TMEM135: variants seen among roughly 807,000 people sequenced by gnomAD.
The protein encoded by TMEM135 is peroxisomal membrane protein 52.
A neutral mutation model predicts 60.3 loss-of-function variants in TMEM135; 30 were observed. The observed-to-expected ratio is 0.50, with a 90% CI of 0.37 to 0.68. The LOEUF is 0.68. Among genes scored for constraint, TMEM135 ranks in the 30% least tolerant of loss-of-function variants. The pLI, the probability that TMEM135 is intolerant of heterozygous loss-of-function variation, is 0.00. For missense variants in TMEM135, 468 were observed against 548.8 expected (o/e 0.85, Z 1.47); for synonymous variants, 190 against 186.7 (o/e 1.02, Z -0.14).
chr11:87,118,942 G>A (rs1857967607), intron 4 of TMEM135, among the ~76,000 whole-genome samples: 1 of 152,188 alleles, frequency 6.6e-6, no homozygotes, highest in South Asian at 2.1e-4. Context: ...GAATGTTGTG[G>A]TTGGTTTAAT....
At position 87,325,503 on chromosome 11, in the gene TMEM135, C is replaced by CCTCT. The variant is rs142700961; in HGVS notation, c.*4183_*4186dup. 9.5e-5 allele frequency: 42 copies of CCTCT among 444,396 alleles called. No individual in the cohort carries two copies. Among genetic ancestry groups the CCTCT allele is most frequent in the South Asian group, 4.6e-4 (29 of 62,894 alleles). 27.5% of individuals were successfully genotyped at this position (444,396 alleles called of 1,614,324 possible). On this transcript the variant is annotated 3_prime_UTR_variant, in exon 15 of 15. Transcript: ENST00000305494. ...GTTTTATGTGGGCTCTCTCTCTCTCCCTCTCTCTCTCTCTCTGTCTGTCTC... is the reference window on the plus strand; with the variant it reads ...GTTTTATGTGGGCTCTCTCTCTCTCCCTCTCTCTCTCTCTCTCTCTGTCTGTCTC...
At position 87,263,023 on chromosome 11, in the gene TMEM135, C is replaced by T. The variant is rs1016500748; in HGVS notation, c.509+26339C>T. 3.3e-5 allele frequency among the ~76,000 whole-genome samples: 5 copies of T among 151,938 alleles called. No homozygotes were observed. The South Asian group carries it at 1.0e-3, about 32-fold the overall frequency. On this transcript the variant is annotated intron_variant, in intron 6 of 14. Transcript: ENST00000305494. The stretch of plus-strand genomic sequence containing the variant: ...TCATGGAAAAAAAAAACCTTTCTTC[C>T]TTTTTGTTTTATGTAATATGTAAGC...
At chr11:87,173,757 AAAG>A (rs1365860385) in intron 5 of TMEM135, among the ~76,000 whole-genome samples, 1 of 152,190 alleles carries the variant, frequency 6.6e-6, no homozygotes, top group African/African-American at 2.4e-5. Context: ...GTTGATAATA[AAAG>A]ACAGAGTTTT....
chr11:87,077,276 G>A (rs1856894142), intron 3 of TMEM135, among the ~76,000 whole-genome samples: 1 of 152,142 alleles, frequency 6.6e-6, no homozygotes, highest in African/African-American at 2.4e-5. Flanking sequence ...TTTAAACTAA[G>A]CATGATGCCT....
At chr11:87,246,258 G>A (rs963226658) in intron 6 of TMEM135, among the ~76,000 whole-genome samples, 5 of 149,680 alleles carry the variant, frequency 3.3e-5, no homozygotes, top group East Asian at 2.0e-4. Flanking sequence ...TGGGTAACCC[G>A]ACCTTTCTCT....
intron 1 of TMEM135, among the ~76,000 whole-genome samples, chr11:87,056,792 C>T (rs1949898661): frequency 6.6e-6 from 1 of 152,158 alleles, no homozygotes; most frequent in Non-Finnish European, 1.5e-5. Flanking sequence ...ATTCATTACC[C>T]AATATTCACC....
chr11:87,100,962 A>C (rs1857444410), intron 4 of TMEM135, among the ~76,000 whole-genome samples: 2 of 152,362 alleles, frequency 1.3e-5, no homozygotes, highest in East Asian at 3.9e-4. Context: ...ATTAACTAGC[A>C]CTTAAAAACA....
At chr11:87,153,001 C>G (rs1213781882) in intron 4 of TMEM135, among the ~76,000 whole-genome samples, 17 of 152,124 alleles carry the variant, frequency 1.1e-4, no homozygotes, top group Admixed American at 1.1e-3. Flanking sequence ...CTTACCTCTT[C>G]TCCAGTTCTC....
chr11:87,160,307 T>C (rs1938835933), intron 5 of TMEM135, among the ~76,000 whole-genome samples: 1 of 152,214 alleles, frequency 6.6e-6, no homozygotes, highest in Non-Finnish European at 1.5e-5. Context: ...AGATAGTCTT[T>C]GAAGGTGTTT....
intron 10 of TMEM135, among the ~76,000 whole-genome samples, chr11:87,312,608 A>G (rs971693737): frequency 4.6e-5 from 7 of 151,936 alleles, no homozygotes; most frequent in Admixed American, 2.0e-4. Flanking sequence ...TAGACAATAT[A>G]TAAATGAACA....
intron 6 of TMEM135, among the ~76,000 whole-genome samples, chr11:87,258,084 C>G (rs546389759): frequency 6.6e-6 from 1 of 151,460 alleles, no homozygotes; most frequent in African/African-American, 2.4e-5. Flanking sequence ...CAGTTAATAA[C>G]TTGATTATAT....
At chr11:87,115,265 T>G (rs1857849999) in intron 4 of TMEM135, among the ~76,000 whole-genome samples, 1 of 152,198 alleles carries the variant, frequency 6.6e-6, no homozygotes, top group Non-Finnish European at 1.5e-5. Context: ...AGCATATTAT[T>G]AACATCTCTT....
chr11:87,264,965 T>TTA (rs1480995530), intron 6 of TMEM135, among the ~76,000 whole-genome samples: 2 of 151,908 alleles, frequency 1.3e-5, no homozygotes, highest in Non-Finnish European at 2.9e-5. Flanking sequence ...ATATTATAGG[T>TTA]TATACATTCT....
At chr11:87,131,013 T>A (rs1320758233) in intron 4 of TMEM135, among the ~76,000 whole-genome samples, 1 of 150,678 alleles carries the variant, frequency 6.6e-6, no homozygotes, top group African/African-American at 2.5e-5. Context: ...TTTAACAAAT[T>A]AGGCTTTATT....
At chr11:87,125,640 C>T (rs182676496) in intron 4 of TMEM135, among the ~76,000 whole-genome samples, 5 of 152,170 alleles carry the variant, frequency 3.3e-5, no homozygotes, top group East Asian at 1.9e-4. Context: ...GTAAAGAGTT[C>T]GGACTTTAAG....
At chr11:87,316,866 A>G (rs941513381) in intron 12 of TMEM135, among the ~76,000 whole-genome samples, 11 of 151,512 alleles carry the variant, frequency 7.3e-5, no homozygotes, top group African/African-American at 2.7e-4. Context: ...CATATAAACT[A>G]TGGTGATGCA....
intron 8 of TMEM135, 102 bp downstream of exon 8, chr11:87,302,544 T>C: frequency 2.1e-6 from 3 of 1,433,650 alleles, no homozygotes. Context: ...GTAATGATGA[T>C]CATTTTTCAC....
chr11:87,061,193 A>T (rs1246075031), intron 1 of TMEM135, among the ~76,000 whole-genome samples: 1 of 152,228 alleles, frequency 6.6e-6, no homozygotes, highest in Non-Finnish European at 1.5e-5. Context: ...CATATTCAAA[A>T]TATATAAATT....
At chr11:87,076,223 G>T (rs922559185) in intron 3 of TMEM135, among the ~76,000 whole-genome samples, 1 of 152,204 alleles carries the variant, frequency 6.6e-6, no homozygotes, top group Non-Finnish European at 1.5e-5. Context: ...TTTCCACTGT[G>T]GCTAAACTGG....
Sources: allele counts gnomAD v4.1 joint callset (sites outside exome capture counted in the v4.1 genomes callset), GRCh38; gene constraint gnomAD v4.1.1; transcripts MANE v1.5; gene names NCBI Gene and HGNC (gene_info 2026-07-23, HGNC 2026-07-21).